CACNA2D4: variants seen among roughly 807,000 people sequenced by gnomAD.
CACNA2D4 encodes calcium voltage-gated channel auxiliary subunit alpha2delta 4.
In CACNA2D4, 157 loss-of-function variants were observed where a neutral mutation model predicts 163.8. That is an observed-to-expected ratio of 0.96 (90% CI 0.84 to 1.09). The LOEUF (loss-of-function observed/expected upper bound fraction) is 1.09. Ranked by LOEUF, CACNA2D4 falls within the 50% of genes least tolerant of loss-of-function variation. CACNA2D4 has a pLI of 0.00. For missense variants in CACNA2D4, 1,410 were observed against 1,479.9 expected (o/e 0.95, Z 0.78); for synonymous variants, 598 against 586.9 (o/e 1.02, Z -0.27).
At chr12:1,794,858 T>C (rs989120525) in intron 37 of CACNA2D4, among the ~76,000 whole-genome samples, 1 of 152,118 alleles carries the variant, frequency 6.6e-6, no homozygotes, top group Non-Finnish European at 1.5e-5. Flanking sequence ...AGCCAGGGGC[T>C]TGGAGCCAAA....
chr12:1,914,069 T>A (rs944110143), intron 2 of CACNA2D4, among the ~76,000 whole-genome samples: 1 of 152,216 alleles, frequency 6.6e-6, no homozygotes, highest in Admixed American at 6.5e-5. Context: ...CTGGCTCCTC[T>A]TACTTCCACC....
In CACNA2D4 at chr12:1,799,539, A is replaced by T; in HGVS notation, c.2995+136T>A. ...CTCCCCAGTCCCCCAACCCCCAGGA[A>T]TGGTACTTTAAACCAGGAGAGCTCA... On this transcript the variant is annotated intron_variant, in intron 34 of 37. Transcript: ENST00000382722. This position sits in a 1 kb window ranked among gnomAD's most constrained non-coding sequence, Gnocchi z 4.7. 1 of 904,564 alleles carries T rather than the reference A, an allele frequency of 1.1e-6. No individual in the cohort carries two copies. The highest frequency in any genetic ancestry group is 2.1e-5 in the Admixed American group (1 of 46,844). 56.0% of individuals were successfully genotyped at this position (904,564 alleles called of 1,614,324 possible). A position where few individuals can be genotyped will look rare whatever the true frequency, so the allele number is the denominator to read the frequency against.
At position 1,796,238 on chromosome 12, in the gene CACNA2D4, G is replaced by A. The variant is rs1028672384; in HGVS notation, c.3114-458C>T. ...TCGGCGAGGCCGCCCTGCGAGGAGT[G>A]GCGCGGAGTGGGGCGGAGCCCGCCC... On this transcript the variant is annotated intron_variant, in intron 35 of 37. Transcript: ENST00000382722. Among the ~76,000 whole-genome samples the A allele has an allele frequency of 3.5e-4, 54 of 152,318 alleles. 1 individual carries two copies. The highest frequency in any genetic ancestry group is 2.9e-5 in the Non-Finnish European group (2 of 68,004).
rs985358697 is a variant in CACNA2D4, at chr12:1,829,516, C to G, written c.2551+11223G>C. On this transcript the variant is annotated intron_variant, in intron 26 of 37. Coordinates refer to ENST00000382722, the MANE Select transcript of CACNA2D4 (RefSeq NM_172364.5). The surrounding 1 kb of genome is among the most constrained non-coding windows in gnomAD (Gnocchi z 4.2). ...AACAGTGAGGCTTGCTGTTAGGCTGCAGGGAGGCCTGGGCCAGATCTAGCC... is the reference window on the plus strand; with the variant it reads ...AACAGTGAGGCTTGCTGTTAGGCTGGAGGGAGGCCTGGGCCAGATCTAGCC... Among the ~76,000 whole-genome samples the G allele has an allele frequency of 6.6e-6, 1 of 152,052 alleles. No homozygotes were observed. The highest frequency in any genetic ancestry group is 2.4e-5 in the African/African-American group (1 of 41,440).
intron 29 of CACNA2D4, chr12:1,809,687 C>T (rs980449118): frequency 2.4e-5 from 15 of 632,038 alleles, no homozygotes; most frequent in Non-Finnish European, 4.0e-5. Flanking sequence ...CCACAGCCAG[C>T]GGGGGCGGGG....
intron 35 of CACNA2D4, 137 bp downstream of exon 35, chr12:1,797,281 G>A (rs1033588984): frequency 1.5e-5 from 10 of 676,580 alleles, no homozygotes; most frequent in Non-Finnish European, 2.3e-5. Context: ...CGGGAGCGTG[G>A]GCTCTGCACT....
At position 1,917,085 on chromosome 12, in the gene CACNA2D4, C is replaced by T. The variant is rs920874917; in HGVS notation, c.227+1162G>A. On this transcript the variant is annotated intron_variant, in intron 1 of 37. Transcript: ENST00000382722. This position sits in a 1 kb window ranked among gnomAD's most constrained non-coding sequence, Gnocchi z 4.3. ...AGCAACAGATAGCGTTACGGGCTGGCGGCGGGTGTAATGGTGAAAGTGCAG... is the reference window on the plus strand; with the variant it reads ...AGCAACAGATAGCGTTACGGGCTGGTGGCGGGTGTAATGGTGAAAGTGCAG... 3.9e-5 allele frequency among the ~76,000 whole-genome samples: 6 copies of T among 152,118 alleles called. No individual in the cohort carries two copies. Among genetic ancestry groups the T allele is most frequent in the African/African-American group, 9.7e-5 (4 of 41,396 alleles).
At position 1,799,793 on chromosome 12, in the gene CACNA2D4, G is replaced by A; in HGVS notation, c.2975-98C>T. The A allele has an allele frequency of 6.9e-7, 1 of 1,452,220 alleles. No homozygotes were observed. Among genetic ancestry groups the A allele is most frequent in the Non-Finnish European group, 9.5e-7 (1 of 1,058,164 alleles). 90.0% of individuals were successfully genotyped at this position (1,452,220 alleles called of 1,614,324 possible). A position where few individuals can be genotyped will look rare whatever the true frequency, so the allele number is the denominator to read the frequency against. On this transcript the variant is annotated intron_variant, in intron 33 of 37. Coordinates refer to ENST00000382722, the MANE Select transcript of CACNA2D4 (RefSeq NM_172364.5). This position sits in a 1 kb window ranked among gnomAD's most constrained non-coding sequence, Gnocchi z 4.7. ...TCATGGGGTGGTGATGATGGCACAT[G>A]GAGTGGCGGTGTCCCAAGATGATGT...
chr12:1,864,414 C>T (rs1338493254), intron 18 of CACNA2D4, among the ~76,000 whole-genome samples: 1 of 152,246 alleles, frequency 6.6e-6, no homozygotes, highest in African/African-American at 2.4e-5. Flanking sequence ...TTAACACCGT[C>T]ATTTCCATAG....
intron 34 of CACNA2D4, chr12:1,797,741 C>T (rs1347004898): frequency 1.9e-5 from 11 of 591,684 alleles, no homozygotes; most frequent in Admixed American, 1.2e-4. Flanking sequence ...TGGCTTGGCA[C>T]GGGGAGCGCC....
intron 24 of CACNA2D4, among the ~76,000 whole-genome samples, chr12:1,846,096 C>A (rs528857816): frequency 6.6e-6 from 1 of 152,182 alleles, no homozygotes; most frequent in African/African-American, 2.4e-5. Flanking sequence ...GAAGGCACTG[C>A]GGGGTGAGCA....
intron 18 of CACNA2D4, among the ~76,000 whole-genome samples, chr12:1,865,103 G>T (rs1405809128): frequency 6.6e-6 from 1 of 152,212 alleles, no homozygotes; most frequent in Non-Finnish European, 1.5e-5. Context: ...GGCAGGCCCC[G>T]TGGGTGCCGC....
At chr12:1,909,744 G>C (rs1225518240) in intron 4 of CACNA2D4, among the ~76,000 whole-genome samples, 162 bp downstream of exon 4, 1 of 152,226 alleles carries the variant, frequency 6.6e-6, no homozygotes, top group African/African-American at 2.4e-5. Context: ...AACAAGTTCC[G>C]ATCCAGAGGC....
At chr12:1,857,744 G>A (rs1237803411) in intron 20 of CACNA2D4, among the ~76,000 whole-genome samples, 1 of 152,114 alleles carries the variant, frequency 6.6e-6, no homozygotes, top group Non-Finnish European at 1.5e-5. Context: ...TCTCACTTTG[G>A]TTCGCATCCC....
At position 1,854,010 on chromosome 12, in the gene CACNA2D4, G is replaced by A. The variant is rs78335326; in HGVS notation, c.2187C>T (p.Asp729=). Residue 729 remains aspartate, a synonymous_variant, in exon 23 of 38, where the codon GAC becomes GAT. Coordinates refer to ENST00000382722, the MANE Select transcript of CACNA2D4 (RefSeq NM_172364.5). The part of the protein sequence containing the change: ...DEELVREVLF[D]AVVTAPMEAY... ...CTTCCATGGGGGCTGTCACCACCGCGTCAAACAGCACCTCCCGGACCAGCT... is the reference window on the plus strand; with the variant it reads ...CTTCCATGGGGGCTGTCACCACCGCATCAAACAGCACCTCCCGGACCAGCT... The A allele has an allele frequency of 4.5e-3, 7,199 of 1,612,834 alleles. 133 individuals carry two copies. The highest frequency in any genetic ancestry group is 0.041 in the South Asian group (3,767 of 90,856).
At chr12:1,803,295 C>T (rs1399681643) in intron 29 of CACNA2D4, among the ~76,000 whole-genome samples, 1 of 152,214 alleles carries the variant, frequency 6.6e-6, no homozygotes, top group Non-Finnish European at 1.5e-5. Flanking sequence ...ACCCAATGAA[C>T]AACCAGAGAA....
chr12:1,804,611 T>C (rs1157304186), intron 29 of CACNA2D4, among the ~76,000 whole-genome samples: 2 of 152,258 alleles, frequency 1.3e-5, no homozygotes, highest in African/African-American at 2.4e-5. Context: ...ACTTTAATTA[T>C]GGCAGCCATG....
rs752769989 is a variant in CACNA2D4 at position 1,860,170 on chromosome 12, TGAA to T, written c.1912_1914del (p.Phe638del). 1.9e-5 allele frequency: 30 copies of T among 1,613,814 alleles called. No homozygotes were observed. The highest frequency in any genetic ancestry group is 2.5e-5 in the Non-Finnish European group (30 of 1,179,762). On this transcript the variant is annotated inframe_deletion, in exon 19 of 38. Coordinates refer to ENST00000382722, the MANE Select transcript of CACNA2D4 (RefSeq NM_172364.5). ...CTGAAAGGGGTGTCGCTGATGTCCG[TGAA>T]GAAGTAGTCATTGGTCAGGAAAAGA...
chr12:1,916,063 C>T (rs1431747165), intron 1 of CACNA2D4, among the ~76,000 whole-genome samples: 10 of 152,148 alleles, frequency 6.6e-5, no homozygotes, highest in Non-Finnish European at 1.3e-4. Flanking sequence ...TAGAGGTTAG[C>T]CTGCAAAGGG....
Sources: allele counts gnomAD v4.1 joint callset (sites outside exome capture counted in the v4.1 genomes callset), GRCh38; gene constraint gnomAD v4.1.1; non-coding constraint Gnocchi (gnomAD v3.1); transcripts MANE v1.5; gene names NCBI Gene and HGNC (gene_info 2026-07-23, HGNC 2026-07-21).